FOXP2: variants seen among roughly 807,000 people sequenced by gnomAD.
The protein encoded by FOXP2 is forkhead box protein P2.
A neutral mutation model predicts 115.8 loss-of-function variants in FOXP2; 12 were observed. The ratio of observed to expected loss-of-function variants is 0.10; its 90% confidence interval spans 0.07 to 0.17. The LOEUF (loss-of-function observed/expected upper bound fraction) is 0.17. Among genes scored for constraint, FOXP2 ranks in the 10% least tolerant of loss-of-function variants. The pLI is 1.00. For missense variants in FOXP2, 629 were observed against 843.5 expected, an observed-to-expected ratio of 0.75 and a Z score of 3.15; for synonymous variants, 328 against 297.7, an observed-to-expected ratio of 1.10 and a Z score of -1.05.
intron 1 of FOXP2, among the ~76,000 whole-genome samples, chr7:114,254,631 T>G (rs1380694374): frequency 6.6e-6 from 1 of 152,128 alleles, no homozygotes; most frequent in Non-Finnish European, 1.5e-5. Flanking sequence ...AGTGCCATGG[T>G]TTTCAGCTCC....
At chr7:114,148,743 T>A (rs1792451170) in intron 1 of FOXP2, among the ~76,000 whole-genome samples, 1 of 152,178 alleles carries the variant, frequency 6.6e-6, no homozygotes, top group South Asian at 2.1e-4. Context: ...AACCTGGAAG[T>A]CATTTTCAAT....
At chr7:114,409,290 AT>A (rs1441366780), upstream of FOXP2, among the ~76,000 whole-genome samples, 1 of 152,152 alleles carries the variant, frequency 6.6e-6, no homozygotes, top group Non-Finnish European at 1.5e-5. Flanking sequence ...TATAAATTGA[AT>A]ACCTACTTTT....
chr7:114,125,588 C>T (rs1052079215), intron 1 of FOXP2, among the ~76,000 whole-genome samples: 2 of 151,942 alleles, frequency 1.3e-5, no homozygotes, highest in African/African-American at 4.8e-5. Flanking sequence ...CTTAAAAATC[C>T]CCTCAGAAGA....
At chr7:114,304,294 G>C (rs913327593) in intron 2 of FOXP2, among the ~76,000 whole-genome samples, 1 of 151,902 alleles carries the variant, frequency 6.6e-6, no homozygotes, top group Non-Finnish European at 1.5e-5. Context: ...CTCAATGCTA[G>C]ACTCCTAGCA....
At chr7:114,639,432 T>TAA (rs1805402613) in intron 6 of FOXP2, among the ~76,000 whole-genome samples, 1 of 152,110 alleles carries the variant, frequency 6.6e-6, no homozygotes, top group African/African-American at 2.4e-5. Context: ...CCTACTCTTA[T>TAA]AAAACTTCAG....
At chr7:114,454,550 T>C (rs1311848586) in intron 2 of FOXP2, among the ~76,000 whole-genome samples, 9 of 149,338 alleles carry the variant, frequency 6.0e-5, no homozygotes, top group Admixed American at 1.3e-4. Flanking sequence ...AATCATGCTG[T>C]TATAAAGACA....
At chr7:114,333,729 C>T (rs1389944893) in intron 2 of FOXP2, among the ~76,000 whole-genome samples, 1 of 151,894 alleles carries the variant, frequency 6.6e-6, no homozygotes, top group Non-Finnish European at 1.5e-5. Context: ...CTCTAGTAAA[C>T]ATACAAAAAT....
intron 1 of FOXP2, among the ~76,000 whole-genome samples, chr7:114,144,314 A>G (rs1409824745): frequency 6.6e-6 from 1 of 152,152 alleles, no homozygotes; most frequent in Non-Finnish European, 1.5e-5. Context: ...TTTACAAATT[A>G]AACTATATAG....
At chr7:114,365,578 A>ATGAC (rs1292429280) in intron 2 of FOXP2, among the ~76,000 whole-genome samples, 1 of 152,134 alleles carries the variant, frequency 6.6e-6, no homozygotes, top group East Asian at 1.9e-4. Flanking sequence ...TTACACTGAA[A>ATGAC]TGACTTCTGT....
intron 1 of FOXP2, among the ~76,000 whole-genome samples, chr7:114,176,336 T>TCTC (rs1793309272): frequency 1.3e-4 from 17 of 135,960 alleles, no homozygotes; most frequent in African/African-American, 5.7e-4. Flanking sequence ...TTTTCTTTCT[T>TCTC]TCTCTCTCTC....
chr7:114,272,727 A>G (rs1796097341), intron 1 of FOXP2, among the ~76,000 whole-genome samples: 1 of 151,776 alleles, frequency 6.6e-6, no homozygotes. Flanking sequence ...TGGGCATAGA[A>G]TTGTTGATAA....
chr7:114,346,282 A>T (rs1404203992), intron 2 of FOXP2, among the ~76,000 whole-genome samples: 3 of 151,852 alleles, frequency 2.0e-5, no homozygotes, highest in African/African-American at 7.2e-5. Context: ...CATATCAAGG[A>T]GATATCTGCA....
chr7:114,248,735 A>G (rs1387246926), intron 1 of FOXP2, among the ~76,000 whole-genome samples: 1 of 152,232 alleles, frequency 6.6e-6, no homozygotes, highest in African/African-American at 2.4e-5. Context: ...TGAAATTAAT[A>G]GTAGCTGAAA....
chr7:114,223,502 A>T (rs1031409710), intron 1 of FOXP2, among the ~76,000 whole-genome samples: 1 of 147,010 alleles, frequency 6.8e-6, no homozygotes, highest in South Asian at 2.1e-4. Context: ...TATATATATT[A>T]TATATAATAT....
At chr7:114,500,215 CAA>C (rs760392447) in intron 2 of FOXP2, among the ~76,000 whole-genome samples, 9 of 50,966 alleles carry the variant, frequency 1.8e-4, no homozygotes, top group Admixed American at 2.3e-4. Context: ...GACTCCATCT[CAA>C]AAAAAAAAAA....
At chr7:114,561,787 G>A (rs1031911159) in intron 3 of FOXP2, among the ~76,000 whole-genome samples, 3 of 149,016 alleles carry the variant, frequency 2.0e-5, no homozygotes, top group African/African-American at 7.4e-5. Context: ...TTTGGTGTTG[G>A]GTTTTGTTTG....
chr7:114,256,688 A>G (rs936837209), intron 1 of FOXP2, among the ~76,000 whole-genome samples: 14 of 152,228 alleles, frequency 9.2e-5, no homozygotes, highest in Non-Finnish European at 2.1e-4. Flanking sequence ...TTTGCTGTGC[A>G]GAAATTCTTT....
At chr7:114,595,553 T>C (rs1036389662) in intron 3 of FOXP2, among the ~76,000 whole-genome samples, 1 of 152,068 alleles carries the variant, frequency 6.6e-6, no homozygotes, top group Non-Finnish European at 1.5e-5. Context: ...AATTCTGCAA[T>C]GTAAACAGTA....
chr7:114,260,548 A>G (rs1460327782), intron 1 of FOXP2, among the ~76,000 whole-genome samples: 3 of 152,158 alleles, frequency 2.0e-5, no homozygotes, highest in African/African-American at 7.2e-5. Context: ...AATTGGACTG[A>G]ATAGACTGTT....
Sources: allele counts gnomAD v4.1 joint callset (sites outside exome capture counted in the v4.1 genomes callset), GRCh38; gene constraint gnomAD v4.1.1; transcripts MANE v1.5; gene names NCBI Gene and HGNC (gene_info 2026-07-23, HGNC 2026-07-21).